The following PTER variants were observed in gnomAD, a reference collection of about 807,000 sequenced individuals.
The protein encoded by PTER is phosphotriesterase related, also known as N-acetyltaurine hydrolase.
A neutral mutation model predicts 29.6 loss-of-function variants in PTER; 38 were observed. The ratio of observed to expected loss-of-function variants is 1.28; its 90% confidence interval spans 0.99 to 1.68. The LOEUF (loss-of-function observed/expected upper bound fraction) is 1.68. Among genes scored for constraint, PTER ranks in the 40% most tolerant of loss-of-function variants. PTER has a pLI of 0.00. For synonymous variants in PTER, 172 were observed against 154.5 expected, an observed-to-expected ratio of 1.11 and a Z score of -0.84; for missense variants, 482 against 427.8, an observed-to-expected ratio of 1.13 and a Z score of -1.12.
intron 1 of PTER, among the ~76,000 whole-genome samples, chr10:16,440,461 A>C (rs1256342409): frequency 2.6e-5 from 4 of 152,258 alleles, no homozygotes; most frequent in Non-Finnish European, 5.9e-5. Context: ...CATTTGGCAT[A>C]AACTGGCTCT....
Position 16,486,521 on chromosome 10 carries a change from A to G in PTER, c.602A>G (p.His201Arg), listed in dbSNP as rs536620018. 6 of 1,614,024 alleles carry G rather than the reference A, an allele frequency of 3.7e-6. No homozygotes were observed. The highest frequency in any genetic ancestry group is 5.1e-6 in the Non-Finnish European group (6 of 1,179,950). The change falls in exon 3 of 5, where the codon CAT (histidine) becomes CGT (arginine). Residue 201 changes from histidine to arginine, a missense_variant. Physicochemically the swap from His to Arg is conservative, Grantham distance 29. Coordinates refer to ENST00000535784, the MANE Select transcript of PTER (RefSeq NM_001261836.2). ...CAGCTTGGTTGTCCTGTTATTATCC[A>G]TCCTGGACGGAGCTCCAGGGCACCA... is the stretch of plus-strand genomic sequence containing the variant. Reference protein sequence around the residue: ...QAQLGCPVIIHPGRSSRAPFQ... With the variant: ...QAQLGCPVIIRPGRSSRAPFQ...
chr10:16,495,547 T>C (rs1463668440), intron 3 of PTER, among the ~76,000 whole-genome samples: 3 of 152,236 alleles, frequency 2.0e-5, no homozygotes, highest in African/African-American at 7.2e-5. Flanking sequence ...ATCAGTTGTA[T>C]ATATAAGCAT....
intron 2 of PTER, among the ~76,000 whole-genome samples, chr10:16,485,892 C>T (rs770688048): frequency 6.6e-6 from 1 of 151,982 alleles, no homozygotes; most frequent in African/African-American, 2.4e-5. Flanking sequence ...TCAGGAGTTC[C>T]AAGTCCAGCC....
intron 3 of PTER, among the ~76,000 whole-genome samples, chr10:16,502,363 A>G (rs1313713349): frequency 2.0e-5 from 3 of 152,180 alleles, no homozygotes; most frequent in Admixed American, 2.0e-4. Flanking sequence ...TATGTTTTCT[A>G]TAGAAAAACA....
chr10:16,478,584 T>C (rs1190273185), intron 1 of PTER, among the ~76,000 whole-genome samples: 1 of 151,886 alleles, frequency 6.6e-6, no homozygotes, highest in East Asian at 1.9e-4. Flanking sequence ...TTTGCCTGCC[T>C]CAGCCTCCCA....
intron 1 of PTER, among the ~76,000 whole-genome samples, chr10:16,442,297 G>A (rs945379243): frequency 3.3e-5 from 5 of 152,004 alleles, no homozygotes; most frequent in African/African-American, 1.2e-4. Flanking sequence ...TTGACAATTC[G>A]ACATGTCTCA....
intron 3 of PTER, among the ~76,000 whole-genome samples, chr10:16,494,602 A>C (rs571176450): frequency 6.6e-6 from 1 of 152,362 alleles, no homozygotes; most frequent in Non-Finnish European, 1.5e-5. Flanking sequence ...GTATTTGGTC[A>C]TAAACTAGTA....
chr10:16,499,861 T>G (rs935081113), intron 3 of PTER, among the ~76,000 whole-genome samples: 33 of 151,788 alleles, frequency 2.2e-4, no homozygotes, highest in African/African-American at 8.0e-4. Context: ...TATGTCTTGG[T>G]TTTTTTTATG....
intron 1 of PTER, 87 bp downstream of exon 1, chr10:16,437,134 G>T (rs1263891068): frequency 6.6e-6 from 1 of 152,378 alleles, no homozygotes; most frequent in African/African-American, 2.4e-5. Flanking sequence ...GCGCGGCCAG[G>T]GTTCGCTGCA....
intron 1 of PTER, among the ~76,000 whole-genome samples, chr10:16,450,701 A>G (rs1834175168): frequency 6.6e-6 from 1 of 152,182 alleles, no homozygotes; most frequent in South Asian, 2.1e-4. Flanking sequence ...GAGGCTCAGT[A>G]TGTGCTTCTG....
Position 16,484,353 on chromosome 10 carries a change from T to C in PTER, c.-32T>C, listed in dbSNP as rs1835597617. 6.6e-6 allele frequency: 10 copies of C among 1,523,750 alleles called. No individual in the cohort carries two copies. Among genetic ancestry groups the C allele is most frequent in the Non-Finnish European group, 8.8e-6 (10 of 1,133,308 alleles). 94.4% of individuals were successfully genotyped at this position (1,523,750 alleles called of 1,614,324 possible). On this transcript the variant is annotated 5_prime_UTR_variant, in exon 2 of 5. Transcript: ENST00000535784. ...TGTTTTTAGAAAAAAGAAATCCTCT[T>C]TTTAGAACATCTCTTGGTGGTACCA...
chr10:16,461,027 G>T (rs1168535876), intron 1 of PTER, among the ~76,000 whole-genome samples: 7 of 152,286 alleles, frequency 4.6e-5, no homozygotes, highest in Non-Finnish European at 1.0e-4. Context: ...AAAAATTACA[G>T]TCATTTGATA....
chr10:16,447,219 G>A (rs946304148), intron 1 of PTER, among the ~76,000 whole-genome samples: 1 of 149,094 alleles, frequency 6.7e-6, no homozygotes, highest in Non-Finnish European at 1.5e-5. Context: ...TCCCACCTCA[G>A]CCTCTCAAAT....
chr10:16,452,957 C>T (rs962746137), intron 1 of PTER, among the ~76,000 whole-genome samples: 2 of 151,780 alleles, frequency 1.3e-5, no homozygotes, highest in African/African-American at 4.8e-5. Context: ...ACCATGTTGC[C>T]CAGGCTGGTC....
At chr10:16,480,507 T>C (rs1393615826) in intron 1 of PTER, among the ~76,000 whole-genome samples, 1 of 152,144 alleles carries the variant, frequency 6.6e-6, no homozygotes, top group African/African-American at 2.4e-5. Flanking sequence ...AATTTGACCA[T>C]TGCATTTAAA....
chr10:16,443,262 C>G (rs1176071037), intron 1 of PTER, among the ~76,000 whole-genome samples: 3 of 152,158 alleles, frequency 2.0e-5, no homozygotes, highest in Admixed American at 6.6e-5. Flanking sequence ...GGGTATTGAT[C>G]TTTTATAGGG....
chr10:16,445,923 C>G (rs1833997552), intron 1 of PTER, among the ~76,000 whole-genome samples: 1 of 152,142 alleles, frequency 6.6e-6, no homozygotes, highest in Non-Finnish European at 1.5e-5. Context: ...GCCTGTGAGT[C>G]TCGCTCACAT....
At chr10:16,487,448 C>T (rs1408925277) in intron 3 of PTER, among the ~76,000 whole-genome samples, 1 of 152,176 alleles carries the variant, frequency 6.6e-6, no homozygotes, top group East Asian at 1.9e-4. Flanking sequence ...TTGTTACAAC[C>T]ACAGTTGCCA....
intron 4 of PTER, among the ~76,000 whole-genome samples, chr10:16,510,065 G>A (rs1039845081): frequency 8.6e-5 from 13 of 151,998 alleles, no homozygotes; most frequent in South Asian, 4.2e-4. Context: ...GGCACTGTCC[G>A]TCCGTCTAGA....
Sources: gnomAD v4.1 joint callset for allele counts (sites outside exome capture counted in the v4.1 genomes callset) on GRCh38, gnomAD v4.1.1 for gene constraint, MANE v1.5 for transcripts, NCBI Gene and HGNC (gene_info 2026-07-23, HGNC 2026-07-21) for gene names.